GRID2: variants seen among roughly 807,000 people sequenced by gnomAD.
GRID2 encodes glutamate receptor ionotropic, delta-2.
A neutral mutation model predicts 114.8 loss-of-function variants in GRID2; 33 were observed. The observed-to-expected ratio is 0.29, with a 90% CI of 0.22 to 0.38. GRID2 has a LOEUF of 0.38. Ranked by LOEUF, GRID2 falls within the 10% of genes least tolerant of loss-of-function variation. GRID2 has a pLI of 1.00. For missense variants in GRID2, 1,184 were observed against 1,257.7 expected (o/e 0.94, Z 0.89); for synonymous variants, 505 against 449.9 (o/e 1.12, Z -1.55).
chr4:93,767,801 C>T lies in GRID2; in HGVS notation c.2361-1409C>T, dbSNP rs559325245. On this transcript the variant is annotated intron_variant, in intron 14 of 15. Coordinates refer to ENST00000282020, the MANE Select transcript of GRID2 (RefSeq NM_001510.4). ...ATTCTCTGAACTCTTAAATTGTAAG[C>T]AGTCTCACCCCAAATAATCCAAGAC... Among the ~76,000 whole-genome samples the T allele has an allele frequency of 2.0e-5, 3 of 152,322 alleles. No homozygotes were observed. In the East Asian group the frequency reaches 5.8e-4, roughly 29 times the overall value.
intron 3 of GRID2, among the ~76,000 whole-genome samples, chr4:93,088,868 G>T (rs985850200): frequency 1.3e-5 from 2 of 151,990 alleles, no homozygotes; most frequent in African/African-American, 4.8e-5. Flanking sequence ...GAGATTTAAC[G>T]TCTGACAGAG....
At chr4:93,039,939 C>G (rs1277037268) in intron 2 of GRID2, among the ~76,000 whole-genome samples, 2 of 152,156 alleles carry the variant, frequency 1.3e-5, no homozygotes, top group Non-Finnish European at 2.9e-5. Context: ...TAACTCAAAT[C>G]TCCTTTGTAT....
chr4:92,784,572 T>G (rs1286781692), intron 2 of GRID2, among the ~76,000 whole-genome samples: 3 of 151,904 alleles, frequency 2.0e-5, no homozygotes, highest in Non-Finnish European at 4.4e-5. Context: ...AAATTAAATT[T>G]TTGAAGTGAT....
chr4:92,965,339 A>G (rs1373020991), intron 2 of GRID2, among the ~76,000 whole-genome samples: 1 of 151,576 alleles, frequency 6.6e-6, no homozygotes, highest in East Asian at 1.9e-4. Flanking sequence ...TTTGAAATAT[A>G]TTGAGAATTA....
chr4:92,502,687 AC>A (rs778423854), intron 1 of GRID2, among the ~76,000 whole-genome samples: 1 of 149,894 alleles, frequency 6.7e-6, no homozygotes, highest in African/African-American at 2.5e-5. Context: ...AAAGCAATGA[AC>A]TAATGCCATG....
At chr4:92,745,676 T>C (rs193254990) in intron 2 of GRID2, among the ~76,000 whole-genome samples, 161 of 152,282 alleles carry the variant, frequency 1.1e-3, no homozygotes, top group Admixed American at 3.1e-3. Context: ...TTCTCCAATA[T>C]ATTTGAGCAT....
chr4:92,732,048 G>T (rs1284841422), intron 2 of GRID2, among the ~76,000 whole-genome samples: 4 of 151,900 alleles, frequency 2.6e-5, no homozygotes, highest in Non-Finnish European at 5.9e-5. Context: ...GAAGATAAAA[G>T]AAGTTGAAAT....
At chr4:93,715,523 G>A (rs1228357194) in intron 14 of GRID2, among the ~76,000 whole-genome samples, 1 of 152,184 alleles carries the variant, frequency 6.6e-6, no homozygotes, top group Non-Finnish European at 1.5e-5. Context: ...GCTTTGGGCA[G>A]TGTGGCCATT....
At chr4:92,383,685 C>T (rs1729726811) in intron 1 of GRID2, among the ~76,000 whole-genome samples, 2 of 151,938 alleles carry the variant, frequency 1.3e-5, no homozygotes, top group African/African-American at 4.8e-5. Flanking sequence ...TCTTCCTCTT[C>T]TTTCTTTTCC....
intron 11 of GRID2, among the ~76,000 whole-genome samples, chr4:93,463,198 TA>T (rs934063080): frequency 9.3e-5 from 14 of 150,892 alleles, no homozygotes; most frequent in Non-Finnish European, 1.3e-4. Flanking sequence ...TCACAACTAA[TA>T]AAAAAAAAGT....
At chr4:93,111,766 T>TTTTTTG (rs1732788709) in intron 4 of GRID2, among the ~76,000 whole-genome samples, 1 of 150,318 alleles carries the variant, frequency 6.7e-6, no homozygotes, top group Non-Finnish European at 1.5e-5. Context: ...TTTTTTTTTT[T>TTTTTTG]GCCTCATTTC....
intron 2 of GRID2, among the ~76,000 whole-genome samples, chr4:93,071,991 G>GT (rs1469519764): frequency 6.6e-6 from 1 of 151,964 alleles, no homozygotes; most frequent in Non-Finnish European, 1.5e-5. Flanking sequence ...AAAACACAAT[G>GT]TCAAAAAAAA....
intron 2 of GRID2, among the ~76,000 whole-genome samples, chr4:92,609,066 A>C (rs1288613443): frequency 6.6e-6 from 1 of 151,904 alleles, no homozygotes; most frequent in East Asian, 1.9e-4. Flanking sequence ...AGTTTTCATT[A>C]GTAAAGATGA....
chr4:92,460,149 CA>C (rs1359843176), intron 1 of GRID2, among the ~76,000 whole-genome samples: 1 of 148,018 alleles, frequency 6.8e-6, no homozygotes, highest in Non-Finnish European at 1.5e-5. Context: ...ATAATTTGAA[CA>C]AACAAATAAA....
chr4:92,640,239 G>A (rs193084060), intron 2 of GRID2, among the ~76,000 whole-genome samples: 1 of 151,852 alleles, frequency 6.6e-6, no homozygotes, highest in Admixed American at 6.6e-5. Context: ...AAAAGAAAGT[G>A]CCACATGTGG....
chr4:93,128,042 AAAAAAAAAAAAAAAAAAC>A (rs1395292291), intron 4 of GRID2, among the ~76,000 whole-genome samples: 11 of 135,528 alleles, frequency 8.1e-5, no homozygotes, highest in East Asian at 2.6e-4. Context: ...AAAAAAAAAA[AAAAAAAAAAAAAAAAAAC>A]AACAGTACGT....
chr4:92,647,110 A>C (rs190987604), intron 2 of GRID2, among the ~76,000 whole-genome samples: 19 of 152,302 alleles, frequency 1.2e-4, no homozygotes, highest in African/African-American at 3.1e-4. Flanking sequence ...GGAGGGATTC[A>C]GAAACATTTA....
At chr4:92,926,289 T>G (rs1467271052) in intron 2 of GRID2, among the ~76,000 whole-genome samples, 1 of 152,022 alleles carries the variant, frequency 6.6e-6, no homozygotes, top group Non-Finnish European at 1.5e-5. Flanking sequence ...TTTACGGTTA[T>G]GTAGACATTC....
chr4:93,054,312 A>G (rs1244654448), intron 2 of GRID2, among the ~76,000 whole-genome samples: 1 of 150,298 alleles, frequency 6.7e-6, no homozygotes, highest in Non-Finnish European at 1.5e-5. Flanking sequence ...TTGTAATTTT[A>G]TTTTATAGAA....
Sources: allele counts gnomAD v4.1 joint callset (sites outside exome capture counted in the v4.1 genomes callset), GRCh38; gene constraint gnomAD v4.1.1; transcripts MANE v1.5; gene names NCBI Gene and HGNC (gene_info 2026-07-23, HGNC 2026-07-21).